The following DNAJC8 variants were observed in gnomAD, a reference collection of about 807,000 sequenced individuals.
The protein encoded by DNAJC8 is dnaJ homolog subfamily C member 8.
Under a neutral mutation model 43.2 loss-of-function variants are expected in DNAJC8, and 24 were observed. The observed-to-expected ratio is 0.56, with a 90% CI of 0.40 to 0.78. The LOEUF (loss-of-function observed/expected upper bound fraction) is 0.78, where lower values mean the gene tolerates loss of function less well. DNAJC8 is among the 30% of genes least tolerant of loss of function. The pLI is 0.00. For synonymous variants in DNAJC8, 83 were observed against 98.0 expected (o/e 0.85, Z 0.90); for missense variants, 207 against 299.4 (o/e 0.69, Z 2.28).
At chr1:28,218,311 T>C (rs890826838) in intron 2 of DNAJC8, among the ~76,000 whole-genome samples, 2 of 151,826 alleles carry the variant, frequency 1.3e-5, no homozygotes, top group Non-Finnish European at 2.9e-5. Flanking sequence ...GTCAGGCTGG[T>C]CTCGAACTCC....
intron 2 of DNAJC8, among the ~76,000 whole-genome samples, chr1:28,228,348 CAAA>C (rs78440134): frequency 2.7e-5 from 2 of 74,792 alleles, no homozygotes; most frequent in African/African-American, 4.8e-5. Context: ...GACTCCGTCT[CAAA>C]AAAAAAAAAA....
At chr1:28,212,470 C>A (rs548770730) in intron 3 of DNAJC8, among the ~76,000 whole-genome samples, 1 of 150,598 alleles carries the variant, frequency 6.6e-6, no homozygotes, top group Admixed American at 6.7e-5. Flanking sequence ...TTTGTAGAGA[C>A]GGGGTTTCAC....
chr1:28,210,528 C>A (rs2149016712), intron 4 of DNAJC8, 43 bp downstream of exon 4: 1 of 1,527,134 alleles, frequency 6.5e-7, no homozygotes, highest in South Asian at 1.1e-5. Context: ...TAGGCCCTGC[C>A]ATTCACAATC....
chr1:28,218,094 C>CA (rs1336951012), intron 2 of DNAJC8, among the ~76,000 whole-genome samples: 1 of 122,352 alleles, frequency 8.2e-6, no homozygotes, highest in Non-Finnish European at 1.7e-5. Flanking sequence ...GGTTTCTATT[C>CA]TTTTTTTTTT....
chr1:28,217,277 G>A (rs1434788196), intron 2 of DNAJC8, among the ~76,000 whole-genome samples: 3 of 151,914 alleles, frequency 2.0e-5, no homozygotes, highest in East Asian at 3.9e-4. Flanking sequence ...GACTGTAAGT[G>A]CGTGGAGCAC....
intron 2 of DNAJC8, among the ~76,000 whole-genome samples, chr1:28,215,480 T>C (rs1646844859): frequency 6.6e-6 from 1 of 152,042 alleles, no homozygotes; most frequent in Admixed American, 6.6e-5. Flanking sequence ...TGGCCCACTC[T>C]ACGAAAGTCT....
At chr1:28,227,613 C>A (rs1415352655) in intron 2 of DNAJC8, among the ~76,000 whole-genome samples, 1 of 151,748 alleles carries the variant, frequency 6.6e-6, no homozygotes, top group Non-Finnish European at 1.5e-5. Context: ...AAAATAAAAT[C>A]GTATTGAGCT....
At chr1:28,203,850 T>A (rs1196039457) in intron 7 of DNAJC8, 28 bp from the exon 8 acceptor site, 1 of 1,598,302 alleles carries the variant, frequency 6.3e-7, no homozygotes, top group East Asian at 2.2e-5. Context: ...TCATAGTATT[T>A]ATATGATACT....
chr1:28,214,432 G>A (rs1225797608), intron 3 of DNAJC8, among the ~76,000 whole-genome samples: 1 of 152,174 alleles, frequency 6.6e-6, no homozygotes, highest in Non-Finnish European at 1.5e-5. Flanking sequence ...TACCTGGGAG[G>A]CTGAGGCAGG....
chr1:28,212,916 T>C (rs370119969), intron 3 of DNAJC8, among the ~76,000 whole-genome samples: 18 of 152,298 alleles, frequency 1.2e-4, no homozygotes, highest in South Asian at 4.1e-4. Flanking sequence ...TGGGCTGATA[T>C]AAGAATGAAA....
chr1:28,212,020 G>GAAAA (rs1646813801), intron 3 of DNAJC8, among the ~76,000 whole-genome samples: 1 of 151,018 alleles, frequency 6.6e-6, no homozygotes, highest in Non-Finnish European at 1.5e-5. Context: ...GGCAGGCACA[G>GAAAA]TGGCACACAT....
At chr1:28,215,354 G>GT (rs1646843903) in intron 2 of DNAJC8, among the ~76,000 whole-genome samples, 1 of 151,768 alleles carries the variant, frequency 6.6e-6, no homozygotes. Context: ...TCGAGAAACC[G>GT]TAATAACTCA....
chr1:28,232,973 G>A lies in DNAJC8; in HGVS notation c.26C>T (p.Thr9Ile). Reference protein sequence around the residue: MAASGESGTSGGGGSTEEA... With the variant: MAASGESGISGGGGSTEEA... ...CTCGGTGCTGCCTCCGCCGCCTGAAGTCCCGCTCTCTCCTGAAGCCGCCAT... is the reference window on the plus strand; with the variant it reads ...CTCGGTGCTGCCTCCGCCGCCTGAAATCCCGCTCTCTCCTGAAGCCGCCAT... The change falls in exon 1 of 9, where the codon ACT becomes ATT. Residue 9 changes from threonine (T) to isoleucine (I), a missense_variant. Transcript: ENST00000263697. 6.2e-7 allele frequency: 1 copy of A among 1,612,912 alleles called. No homozygotes were observed. Among genetic ancestry groups the A allele is most frequent in the South Asian group, 1.1e-5 (1 of 91,080 alleles).
intron 2 of DNAJC8, among the ~76,000 whole-genome samples, chr1:28,218,955 C>G (rs543219555): frequency 5.3e-4 from 81 of 152,176 alleles, no homozygotes; most frequent in African/African-American, 1.9e-3. Flanking sequence ...AAAGGAATCT[C>G]TAGGGGCAAA....
intron 2 of DNAJC8, among the ~76,000 whole-genome samples, chr1:28,227,836 T>G (rs1646947720): frequency 1.3e-5 from 2 of 152,038 alleles, no homozygotes; most frequent in Admixed American, 1.3e-4. Flanking sequence ...TAAACAGGAG[T>G]GGCTATTTCT....
chr1:28,226,897 CAACTAT>C (rs1310169244), intron 2 of DNAJC8, among the ~76,000 whole-genome samples: 2 of 150,978 alleles, frequency 1.3e-5, no homozygotes, highest in African/African-American at 2.4e-5. Flanking sequence ...ATTGCTTTCT[CAACTAT>C]TAGTATTAAC....
intron 2 of DNAJC8, among the ~76,000 whole-genome samples, chr1:28,227,115 T>C (rs1430001239): frequency 0.02 from 2,887 of 141,708 alleles, 160 homozygotes; most frequent in African/African-American, 0.071. Context: ...TTTTTTTTTT[T>C]TTTTTTTTTT....
intron 3 of DNAJC8, among the ~76,000 whole-genome samples, chr1:28,212,228 T>C (rs1200766739): frequency 8.1e-6 from 1 of 123,598 alleles, no homozygotes; most frequent in African/African-American, 2.9e-5. Context: ...TGAAATTAAC[T>C]ATTCAATATA....
chr1:28,224,202 C>T (rs1397665999), intron 2 of DNAJC8, among the ~76,000 whole-genome samples: 2 of 152,126 alleles, frequency 1.3e-5, no homozygotes, highest in Non-Finnish European at 2.9e-5. Flanking sequence ...GGATATTTAC[C>T]AAGTTTCAAA....
Sources: gnomAD v4.1 joint callset for allele counts (sites outside exome capture counted in the v4.1 genomes callset) on GRCh38, gnomAD v4.1.1 for gene constraint, MANE v1.5 for transcripts, NCBI Gene and HGNC (gene_info 2026-07-23, HGNC 2026-07-21) for gene names.